The following GRM1 variants were observed in gnomAD, a reference collection of about 807,000 sequenced individuals.
The protein encoded by GRM1 is metabotropic glutamate receptor 1.
Under a neutral mutation model 90.9 loss-of-function variants are expected in GRM1, and 33 were observed. That is an observed-to-expected ratio of 0.36 (90% CI 0.28 to 0.49). The LOEUF is 0.49. GRM1 is among the 20% of genes least tolerant of loss of function. The pLI is 0.99. For missense variants in GRM1, 1,190 were observed against 1,534.3 expected, an observed-to-expected ratio of 0.78 and a Z score of 3.75; for synonymous variants, 700 against 613.2, an observed-to-expected ratio of 1.14 and a Z score of -2.09.
Position 146,187,880 on chromosome 6 carries a change from G to A in GRM1, c.950+28283G>A, listed in dbSNP as rs1165275562. On this transcript the variant is annotated intron_variant, in intron 2 of 7. Coordinates refer to ENST00000282753, the MANE Select transcript of GRM1 (RefSeq NM_001278064.2). ...TTCTATAATCGGTAAGAACAACCAG[G>A]CAAATGCAGCATCTCATGAGGTCTA... Among the ~76,000 whole-genome samples the A allele has an allele frequency of 2.0e-5, 3 of 151,948 alleles. No individual in the cohort carries two copies. In the East Asian group the frequency reaches 5.8e-4, roughly 29 times the overall value.
At chr6:146,391,177 C>T (rs1163633818) in intron 6 of GRM1, among the ~76,000 whole-genome samples, 1 of 152,000 alleles carries the variant, frequency 6.6e-6, no homozygotes, top group Non-Finnish European at 1.5e-5. Context: ...CATCCTCCTC[C>T]AATACATCTG....
chr6:146,028,374 G>A (rs1315534015), upstream of GRM1, among the ~76,000 whole-genome samples: 1 of 151,810 alleles, frequency 6.6e-6, no homozygotes, highest in East Asian at 1.9e-4. Context: ...GCCCTGCCAG[G>A]GAATGTCTGG....
At chr6:146,181,462 A>G (rs1562513877) in intron 2 of GRM1, among the ~76,000 whole-genome samples, 1 of 152,222 alleles carries the variant, frequency 6.6e-6, no homozygotes, top group Non-Finnish European at 1.5e-5. Context: ...GAACATTTCA[A>G]AAAGAAGATC....
At chr6:146,138,059 A>G (rs1776693423) in intron 1 of GRM1, among the ~76,000 whole-genome samples, 1 of 151,932 alleles carries the variant, frequency 6.6e-6, no homozygotes, top group South Asian at 2.1e-4. Flanking sequence ...TTTTTGATGA[A>G]GTCTTTAGAT....
chr6:146,270,908 T>TCTTTCTTTCTTTCTTC, intron 2 of GRM1, among the ~76,000 whole-genome samples: 1 of 104,462 alleles, frequency 9.6e-6, no homozygotes, highest in African/African-American at 4.9e-5. Context: ...TTTCTTTCTT[T>TCTTTCTTTCTTTCTTC]CTTTCTTCCT....
At chr6:146,236,183 T>C (rs959576170) in intron 2 of GRM1, among the ~76,000 whole-genome samples, 4 of 152,294 alleles carry the variant, frequency 2.6e-5, no homozygotes, top group African/African-American at 7.2e-5. Context: ...TTTTTAGTAG[T>C]GTTGTTTTCA....
At chr6:146,239,531 T>C (rs1780774569) in intron 2 of GRM1, among the ~76,000 whole-genome samples, 1 of 152,118 alleles carries the variant, frequency 6.6e-6, no homozygotes. Flanking sequence ...ACTTCATCAG[T>C]GTTTGACGGA....
intron 1 of GRM1, among the ~76,000 whole-genome samples, chr6:146,107,212 T>C (rs919763789): frequency 1.3e-5 from 2 of 152,224 alleles, no homozygotes; most frequent in Non-Finnish European, 2.9e-5. Context: ...TTTCTATGAA[T>C]ATTTATGTCA....
At chr6:146,142,702 C>T (rs1172667389) in intron 1 of GRM1, among the ~76,000 whole-genome samples, 2 of 151,568 alleles carry the variant, frequency 1.3e-5, no homozygotes, top group East Asian at 2.0e-4. Flanking sequence ...AGTACTGCGA[C>T]GCTACTGCCT....
At chr6:146,409,669 A>G (rs1562678514) in intron 7 of GRM1, among the ~76,000 whole-genome samples, 1 of 152,214 alleles carries the variant, frequency 6.6e-6, no homozygotes, top group Non-Finnish European at 1.5e-5. Flanking sequence ...CAACAATAAA[A>G]TATTATTAAC....
At chr6:146,084,530 T>C (rs965423245) in intron 1 of GRM1, among the ~76,000 whole-genome samples, 7 of 152,144 alleles carry the variant, frequency 4.6e-5, no homozygotes, top group African/African-American at 1.7e-4. Flanking sequence ...GTTAAATTTC[T>C]ATGTAATTGT....
At chr6:146,159,054 G>T (rs1777617168) in intron 1 of GRM1, among the ~76,000 whole-genome samples, 1 of 152,158 alleles carries the variant, frequency 6.6e-6, no homozygotes, top group Non-Finnish European at 1.5e-5. Context: ...TCTGGGACAA[G>T]AACTATTAAT....
intron 3 of GRM1, among the ~76,000 whole-genome samples, chr6:146,345,161 C>A (rs1785134989): frequency 6.6e-6 from 1 of 152,166 alleles, no homozygotes; most frequent in Non-Finnish European, 1.5e-5. Flanking sequence ...TGTAGTAAAC[C>A]TTATGGCCTA....
chr6:146,257,751 T>A (rs987891149), intron 2 of GRM1, among the ~76,000 whole-genome samples: 4 of 150,918 alleles, frequency 2.7e-5, no homozygotes, highest in African/African-American at 9.7e-5. Context: ...CCCTTTCATC[T>A]TTTTTTTTGA....
intron 2 of GRM1, among the ~76,000 whole-genome samples, chr6:146,301,372 C>G (rs985035458): frequency 6.6e-6 from 1 of 152,144 alleles, no homozygotes; most frequent in Admixed American, 6.5e-5. Flanking sequence ...ATAAAGTGCC[C>G]TTCAATGCTG....
intron 1 of GRM1, among the ~76,000 whole-genome samples, chr6:146,112,635 A>C (rs927526578): frequency 6.6e-6 from 1 of 152,182 alleles, no homozygotes; most frequent in Non-Finnish European, 1.5e-5. Context: ...GTTTCTATGC[A>C]TAAGAAGTAG....
intron 5 of GRM1, among the ~76,000 whole-genome samples, chr6:146,381,741 C>T (rs1776326834): frequency 6.6e-6 from 1 of 152,096 alleles, no homozygotes; most frequent in Non-Finnish European, 1.5e-5. Context: ...AAAGTAGACC[C>T]AGTTCCTTTA....
chr6:146,376,757 C>A (rs1776113474), intron 5 of GRM1, among the ~76,000 whole-genome samples: 1 of 152,060 alleles, frequency 6.6e-6, no homozygotes, highest in Non-Finnish European at 1.5e-5. Flanking sequence ...AGGTAGTCTT[C>A]TTTGGGTTCA....
intron 6 of GRM1, among the ~76,000 whole-genome samples, chr6:146,389,640 C>T (rs1323883628): frequency 6.6e-6 from 1 of 151,952 alleles, no homozygotes; most frequent in Non-Finnish European, 1.5e-5. Context: ...TTTAATATGC[C>T]ATGAGCTATC....
Sources: gnomAD v4.1 joint callset for allele counts (sites outside exome capture counted in the v4.1 genomes callset) on GRCh38, gnomAD v4.1.1 for gene constraint, MANE v1.5 for transcripts, NCBI Gene and HGNC (gene_info 2026-07-23, HGNC 2026-07-21) for gene names.